NKAIN3: variants seen among roughly 807,000 people sequenced by gnomAD.
NKAIN3 encodes sodium/potassium-transporting ATPase subunit beta-1-interacting protein 3.
Under a neutral mutation model 30.2 loss-of-function variants are expected in NKAIN3, and 25 were observed. The observed-to-expected ratio is 0.83, with a 90% confidence interval of 0.60 to 1.16. NKAIN3 has a LOEUF of 1.16. NKAIN3 is among the 50% of genes most tolerant of loss of function. The pLI is 0.00. For synonymous variants in NKAIN3, 91 were observed against 89.6 expected, an observed-to-expected ratio of 1.02 and a Z score of -0.09; for missense variants, 225 against 254.1, an observed-to-expected ratio of 0.89 and a Z score of 0.78.
chr8:62,632,308 A>G (rs1366081924), intron 3 of NKAIN3, among the ~76,000 whole-genome samples: 2 of 152,176 alleles, frequency 1.3e-5, no homozygotes, highest in Non-Finnish European at 2.9e-5. Context: ...TGAAGTGCTT[A>G]TTAACCCTTT....
intron 4 of NKAIN3, among the ~76,000 whole-genome samples, chr8:62,811,899 C>G: frequency 6.6e-6 from 1 of 151,916 alleles, no homozygotes; most frequent in Non-Finnish European, 1.5e-5. Context: ...CATGTCAAGT[C>G]TAAGAAGTCT....
chr8:62,340,244 A>G (rs1247331787), intron 1 of NKAIN3, among the ~76,000 whole-genome samples: 2 of 152,052 alleles, frequency 1.3e-5, no homozygotes, highest in African/African-American at 2.4e-5. Flanking sequence ...AGGGGAAGGC[A>G]GCCAGGACTA....
intron 4 of NKAIN3, among the ~76,000 whole-genome samples, chr8:62,869,761 C>T (rs1055802377): frequency 1.3e-5 from 2 of 151,326 alleles, no homozygotes; most frequent in Non-Finnish European, 2.9e-5. Context: ...TTGTTTGTTT[C>T]TGTTTTTGTT....
chr8:62,720,191 G>A (rs1381325373), intron 3 of NKAIN3, among the ~76,000 whole-genome samples: 3 of 152,094 alleles, frequency 2.0e-5, no homozygotes, highest in Admixed American at 6.5e-5. Flanking sequence ...TCCCAAGTTA[G>A]AACATTTTTT....
chr8:62,907,431 G>A (rs1240941507), intron 4 of NKAIN3, among the ~76,000 whole-genome samples: 1 of 152,186 alleles, frequency 6.6e-6, no homozygotes, highest in African/African-American at 2.4e-5. Flanking sequence ...CAAGCTGGCT[G>A]CAGAAATTTG....
At chr8:62,764,112 G>T (rs552324780) in intron 4 of NKAIN3, among the ~76,000 whole-genome samples, 1 of 152,222 alleles carries the variant, frequency 6.6e-6, no homozygotes, top group Non-Finnish European at 1.5e-5. Context: ...CCATTTGGCT[G>T]ATGCCCTTTG....
At chr8:62,855,733 G>A (rs182717325) in intron 4 of NKAIN3, 12 of 1,480,150 alleles carry the variant, frequency 8.1e-6, no homozygotes, top group Non-Finnish European at 1.1e-5. Context: ...CCTTCATCTT[G>A]TCCACCTGCT....
chr8:62,369,989 C>T (rs1816858376), intron 1 of NKAIN3, among the ~76,000 whole-genome samples: 1 of 151,978 alleles, frequency 6.6e-6, no homozygotes, highest in Non-Finnish European at 1.5e-5. Flanking sequence ...GCAACCAATA[C>T]CTAGATTTCT....
At chr8:62,782,575 G>A (rs906716410) in intron 4 of NKAIN3, among the ~76,000 whole-genome samples, 37 of 151,654 alleles carry the variant, frequency 2.4e-4, no homozygotes, top group African/African-American at 9.0e-4. Context: ...ATACATAATG[G>A]GAATACTATC....
intron 1 of NKAIN3, chr8:62,383,582 T>C: frequency 2.2e-6 from 1 of 450,186 alleles, no homozygotes. Context: ...TTGAAGAACA[T>C]GCTTCTCCTG....
At chr8:62,881,183 T>C (rs1209467017) in intron 4 of NKAIN3, among the ~76,000 whole-genome samples, 2 of 152,216 alleles carry the variant, frequency 1.3e-5, no homozygotes, top group Admixed American at 6.5e-5. Context: ...CTTGACACTG[T>C]ACATTCTATG....
chr8:62,350,154 T>C (rs1816136443), intron 1 of NKAIN3, among the ~76,000 whole-genome samples: 1 of 152,174 alleles, frequency 6.6e-6, no homozygotes, highest in South Asian at 2.1e-4. Flanking sequence ...CTCAAACAGA[T>C]ATTTTCACAA....
Position 62,856,613 on chromosome 8 carries a change from C to A in NKAIN3, c.472-61840C>A. The stretch of plus-strand genomic sequence containing the variant: ...ACAGCATGATCTTGTTATGACTCAT[C>A]ATGAACTGGACATCACTAAAGAGGT... On this transcript the variant is annotated intron_variant, in intron 4 of 6. Coordinates refer to ENST00000623646, the MANE Select transcript of NKAIN3 (RefSeq NM_001304533.3). 6.4e-6 allele frequency: 5 copies of A among 778,492 alleles called. No individual in the cohort carries two copies. In the South Asian group the frequency reaches 6.7e-5, roughly 10 times the overall value. 48.2% of individuals were successfully genotyped at this position (778,492 alleles called of 1,614,324 possible).
At chr8:62,271,686 A>AT (rs1267094225) in intron 1 of NKAIN3, among the ~76,000 whole-genome samples, 3 of 152,104 alleles carry the variant, frequency 2.0e-5, no homozygotes, top group East Asian at 1.9e-4. Flanking sequence ...AGGATTTGGG[A>AT]TTTTTTCCCC....
chr8:62,853,026 G>C (rs1819956329), intron 4 of NKAIN3, among the ~76,000 whole-genome samples: 1 of 152,038 alleles, frequency 6.6e-6, no homozygotes, highest in African/African-American at 2.4e-5. Flanking sequence ...ATTCTGTCTT[G>C]TTGACCTGTC....
chr8:62,990,332 C>T, intron 5 of NKAIN3: 2 of 1,342,240 alleles, frequency 1.5e-6, no homozygotes, highest in East Asian at 2.9e-5. Flanking sequence ...TCATTCTAAA[C>T]CCCAGATTCA....
intron 3 of NKAIN3, 38 bp from the exon 4 acceptor site, chr8:62,746,894 A>G (rs1454858098): frequency 1.4e-6 from 2 of 1,465,522 alleles, no homozygotes; most frequent in Admixed American, 1.7e-5. Flanking sequence ...ATGTAATACA[A>G]TTTCCTCATT....
chr8:62,342,672 T>C (rs756895004), intron 1 of NKAIN3, among the ~76,000 whole-genome samples: 1 of 152,048 alleles, frequency 6.6e-6, no homozygotes, highest in Non-Finnish European at 1.5e-5. Flanking sequence ...TTCTCTTTTA[T>C]TGAAGTGCTG....
In NKAIN3 at chr8:62,971,126, A is replaced by G. The variant is rs986426623; in HGVS notation, c.*5719A>G. 3.4e-4 allele frequency among the ~76,000 whole-genome samples: 51 copies of G among 152,136 alleles called. No individual in the cohort carries two copies. Among genetic ancestry groups the G allele is most frequent in the Non-Finnish European group, 6.5e-4 (44 of 68,024 alleles). On this transcript the variant is annotated 3_prime_UTR_variant, in exon 7 of 7. Transcript: ENST00000623646. ...TTTTAAGACCATAACATGACTCAAA[A>G]TGGCTGCTGAAGCTTCAGCCATTGG...
Sources: gnomAD v4.1 joint callset for allele counts (sites outside exome capture counted in the v4.1 genomes callset) on GRCh38, gnomAD v4.1.1 for gene constraint, MANE v1.5 for transcripts, NCBI Gene and HGNC (gene_info 2026-07-23, HGNC 2026-07-21) for gene names.